Variants in SRGAP1 observed in about 807,000 individuals in gnomAD.
SRGAP1 encodes the protein SLIT-ROBO Rho GTPase activating protein 1.
Under a neutral mutation model 121.9 loss-of-function variants are expected in SRGAP1, and 43 were observed. The ratio of observed to expected loss-of-function variants is 0.35; its 90% CI spans 0.28 to 0.46. The LOEUF (loss-of-function observed/expected upper bound fraction) is 0.46, where lower values mean the gene tolerates loss of function less well. SRGAP1 is among the 20% of genes least tolerant of loss of function. The pLI is 1.00. For missense variants in SRGAP1, 1,102 were observed against 1,350.9 expected, an observed-to-expected ratio of 0.82 and a Z score of 2.89; for synonymous variants, 447 against 485.4, an observed-to-expected ratio of 0.92 and a Z score of 1.04.
chr12:63,863,948 G>C (rs939467216), intron 1 of SRGAP1, among the ~76,000 whole-genome samples: 2 of 152,180 alleles, frequency 1.3e-5, no homozygotes, highest in Non-Finnish European at 2.9e-5. Flanking sequence ...TGCCTTATTT[G>C]AATACGGTTT....
chr12:63,876,146 A>G (rs1436602509), intron 1 of SRGAP1, among the ~76,000 whole-genome samples: 1 of 152,218 alleles, frequency 6.6e-6, no homozygotes, highest in Admixed American at 6.5e-5. Context: ...AAAAGATTGA[A>G]GAAATGGTAA....
In SRGAP1 at chr12:64,080,365, GAGA is replaced by G; in HGVS notation, c.1406_1408del (p.Glu469del). 1.2e-6 allele frequency: 2 copies of G among 1,612,878 alleles called. No individual in the cohort carries two copies. The highest frequency in any genetic ancestry group is 1.3e-5 in the African/African-American group (1 of 74,990). On this transcript the variant is annotated inframe_deletion and splice_region_variant, in exon 10 of 22. Coordinates refer to ENST00000355086, the MANE Select transcript of SRGAP1 (RefSeq NM_020762.4). ...CATGACTTGCTGCAGAGGACCCTGG[GAGA>G]AGGTGAGTTATCCAAAATGTATGGG...
At chr12:64,120,367 A>C (rs2036587238) in intron 18 of SRGAP1, 1 of 152,174 alleles carries the variant, frequency 6.6e-6, no homozygotes, top group African/African-American at 2.4e-5. Context: ...GCCTAGGACA[A>C]CATTGAATTT....
Position 64,142,907 on chromosome 12 carries a change from A to C in SRGAP1, c.*235A>C, listed in dbSNP as rs1353506180. On this transcript the variant is annotated 3_prime_UTR_variant, in exon 22 of 22. Transcript: ENST00000355086. ...CATTTTAAGGACAATAGAAACACTTAGACTTACTTGAAAATCCAATGCTGC... is the reference window on the plus strand; with the variant it reads ...CATTTTAAGGACAATAGAAACACTTCGACTTACTTGAAAATCCAATGCTGC... 1.8e-6 allele frequency: 1 copy of C among 541,546 alleles called. No homozygotes were observed. The highest frequency in any genetic ancestry group is 3.3e-5 in the Admixed American group (1 of 30,244). The allele number at this position is 541,546 out of a possible 1,614,324, so 33.5% of individuals were successfully genotyped here. A position where few individuals can be genotyped will look rare whatever the true frequency, so the allele number is the denominator to read the frequency against.
At chr12:64,067,404 T>C (rs1009242235) in intron 8 of SRGAP1, among the ~76,000 whole-genome samples, 7 of 152,162 alleles carry the variant, frequency 4.6e-5, no homozygotes, top group African/African-American at 1.7e-4. Flanking sequence ...AGCAGGACCC[T>C]GTCTCTTAAA....
At position 63,965,239 on chromosome 12, in the gene SRGAP1, G is replaced by A. The variant is rs192364796; in HGVS notation, c.68-18708G>A. Among the ~76,000 whole-genome samples, 82 of 152,132 alleles carry A rather than the reference G, an allele frequency of 5.4e-4. 1 individual carries two copies. Among genetic ancestry groups the A allele is most frequent in the East Asian group, 3.3e-3 (17 of 5,178 alleles). ...ATAGACCAGTGGAGTTGTACCTTCC[G>A]CACCAAAGACAGTATATGAACACAT... is the stretch of plus-strand genomic sequence containing the variant. On this transcript the variant is annotated intron_variant, in intron 1 of 21. Coordinates refer to ENST00000355086, the MANE Select transcript of SRGAP1 (RefSeq NM_020762.4).
At chr12:64,012,149 A>G (rs772293057) in intron 3 of SRGAP1, among the ~76,000 whole-genome samples, 2 of 152,212 alleles carry the variant, frequency 1.3e-5, no homozygotes, top group Non-Finnish European at 2.9e-5. Flanking sequence ...GTTCATTTTC[A>G]TGATGGAAAA....
chr12:63,908,067 G>A (rs1276072141), intron 1 of SRGAP1, among the ~76,000 whole-genome samples: 1 of 152,074 alleles, frequency 6.6e-6, no homozygotes, highest in Non-Finnish European at 1.5e-5. Flanking sequence ...GTATATTGAT[G>A]CATATGTATG....
At chr12:64,000,545 T>A (rs1177498827) in intron 3 of SRGAP1, among the ~76,000 whole-genome samples, 1 of 152,150 alleles carries the variant, frequency 6.6e-6, no homozygotes, top group African/African-American at 2.4e-5. Flanking sequence ...CCCAGGCATT[T>A]AAGGCTACAG....
intron 4 of SRGAP1, among the ~76,000 whole-genome samples, chr12:64,035,327 C>T (rs1367925525): frequency 9.5e-6 from 1 of 104,998 alleles, no homozygotes; most frequent in East Asian, 2.3e-4. Context: ...TGAAGTCCAG[C>T]AACTGCCCCT....
At chr12:64,099,930 T>C (rs1469012837) in intron 15 of SRGAP1, among the ~76,000 whole-genome samples, 1 of 152,212 alleles carries the variant, frequency 6.6e-6, no homozygotes, top group Non-Finnish European at 1.5e-5. Context: ...ACTGAGGCCA[T>C]AGAGTCAGAA....
intron 1 of SRGAP1, among the ~76,000 whole-genome samples, chr12:63,965,249 C>T (rs1196252751): frequency 6.6e-6 from 1 of 152,110 alleles, no homozygotes; most frequent in African/African-American, 2.4e-5. Flanking sequence ...GCACCAAAGA[C>T]AGTATATGAA....
chr12:64,068,411 T>C (rs1194629645), intron 8 of SRGAP1, among the ~76,000 whole-genome samples: 2 of 151,840 alleles, frequency 1.3e-5, no homozygotes, highest in Non-Finnish European at 2.9e-5. Flanking sequence ...TCACAGCTCA[T>C]TGCACCTTGA....
intron 1 of SRGAP1, among the ~76,000 whole-genome samples, chr12:63,917,901 C>T (rs1320762705): frequency 6.6e-6 from 1 of 152,098 alleles, no homozygotes; most frequent in East Asian, 1.9e-4. Context: ...GAATAAATGG[C>T]TGTTATTTTT....
chr12:63,943,969 T>C lies in SRGAP1; in HGVS notation c.68-39978T>C, dbSNP rs181673532. ...ATACCACTACAGAGAGTTCACATAA[T>C]GTAGATAAAGATATGTAGCCCTTTG... is the stretch of plus-strand genomic sequence containing the variant. On this transcript the variant is annotated intron_variant, in intron 1 of 21. Coordinates refer to ENST00000355086, the MANE Select transcript of SRGAP1 (RefSeq NM_020762.4). 9.9e-5 allele frequency among the ~76,000 whole-genome samples: 15 copies of C among 152,266 alleles called. No homozygotes were observed. In the East Asian group the frequency reaches 2.9e-3, roughly 29 times the overall value.
intron 4 of SRGAP1, among the ~76,000 whole-genome samples, chr12:64,029,919 A>AAATG (rs1555167690): frequency 8.6e-6 from 1 of 115,782 alleles, no homozygotes; most frequent in Non-Finnish European, 2.1e-5. Flanking sequence ...AAAAATAAAT[A>AAATG]AATGAATAAA....
At position 64,141,287 on chromosome 12, in the gene SRGAP1, A is replaced by G. The variant is rs78208142; in HGVS notation, c.2881-1008A>G. On this transcript the variant is annotated intron_variant, in intron 21 of 21. Transcript: ENST00000355086. The stretch of plus-strand genomic sequence containing the variant: ...TAAAGTATAATAAAAAAAAAAAAAA[A>G]AAAGAAAAACTTGGCCCGGCACGGT... 3.0e-3 allele frequency among the ~76,000 whole-genome samples: 427 copies of G among 144,658 alleles called. 1 individual carries two copies. Among genetic ancestry groups the G allele is most frequent in the Middle Eastern group, 7.2e-3 (2 of 276 alleles). The allele number at this position is 144,658 out of a possible 152,430, so 94.9% of individuals were successfully genotyped here. A position where few individuals can be genotyped will look rare whatever the true frequency, so the allele number is the denominator to read the frequency against.
intron 1 of SRGAP1, among the ~76,000 whole-genome samples, chr12:63,884,189 AG>A (rs1276821611): frequency 8.6e-5 from 13 of 151,978 alleles, no homozygotes; most frequent in Non-Finnish European, 4.4e-5. Context: ...AGGCTGAGGC[AG>A]GAGAATCGCT....
Position 64,142,731 on chromosome 12 carries a change from CAAAA to C in SRGAP1, c.*60_*63del. On this transcript the variant is annotated 3_prime_UTR_variant, in exon 22 of 22. Coordinates refer to ENST00000355086, the MANE Select transcript of SRGAP1 (RefSeq NM_020762.4). ...CTTAAAAAAGAAAATGGATTAGTGACAAAAGTCACTGATCCATAACTTTCCTTAG... is the reference window on the plus strand; with the variant it reads ...CTTAAAAAAGAAAATGGATTAGTGACGTCACTGATCCATAACTTTCCTTAG... 6.5e-7 allele frequency: 1 copy of C among 1,546,152 alleles called. No homozygotes were observed. Among genetic ancestry groups the C allele is most frequent in the Non-Finnish European group, 8.7e-7 (1 of 1,147,406 alleles).
Sources: allele counts gnomAD v4.1 joint callset (sites outside exome capture counted in the v4.1 genomes callset), GRCh38; gene constraint gnomAD v4.1.1; transcripts MANE v1.5; gene names NCBI Gene and HGNC (gene_info 2026-07-23, HGNC 2026-07-21).